The following FMN1 variants were observed in gnomAD, a reference collection of about 807,000 sequenced individuals.
The protein encoded by FMN1 is formin 1.
In FMN1, 110 loss-of-function variants were observed where a neutral mutation model predicts 132.4. That is an observed-to-expected ratio of 0.83 (90% CI 0.71 to 0.97). The LOEUF (loss-of-function observed/expected upper bound fraction) is 0.97, where lower values mean the gene tolerates loss of function less well. Among genes scored for constraint, FMN1 ranks in the 50% least tolerant of loss-of-function variants. FMN1 has a pLI of 0.00. For synonymous variants in FMN1, 722 were observed against 651.7 expected (o/e 1.11, Z -1.64); for missense variants, 1,792 against 1,705.3 (o/e 1.05, Z -0.90).
chr15:32,871,112 A>C (rs1408521421), intron 16 of FMN1, among the ~76,000 whole-genome samples: 1 of 152,152 alleles, frequency 6.6e-6, no homozygotes, highest in Non-Finnish European at 1.5e-5. Context: ...GGGCCTCTGA[A>C]GGGGAAGGGA....
intron 9 of FMN1, among the ~76,000 whole-genome samples, chr15:32,956,258 G>C (rs1264277086): frequency 2.0e-5 from 3 of 151,844 alleles, no homozygotes; most frequent in African/African-American, 7.3e-5. Flanking sequence ...AGTTACTGTT[G>C]AACAGCCAAC....
At chr15:33,187,700 C>T (rs1036254773) in intron 2 of FMN1, among the ~76,000 whole-genome samples, 2 of 152,162 alleles carry the variant, frequency 1.3e-5, no homozygotes, top group Non-Finnish European at 2.9e-5. Context: ...CAGAAGGTCC[C>T]TCTTCCCATG....
intron 9 of FMN1, among the ~76,000 whole-genome samples, chr15:32,941,906 C>A (rs1354773042): frequency 6.6e-6 from 1 of 152,140 alleles, no homozygotes; most frequent in Non-Finnish European, 1.5e-5. Context: ...TTTATCTCCG[C>A]CCTATCTAGA....
chr15:33,067,150 T>G, intron 5 of FMN1: 1 of 1,613,994 alleles, frequency 6.2e-7, no homozygotes, highest in Non-Finnish European at 8.5e-7. Context: ...GGTTTGTTAC[T>G]GCAGGTAGGT....
chr15:33,128,046 G>A (rs962960865), intron 4 of FMN1, among the ~76,000 whole-genome samples: 5 of 152,190 alleles, frequency 3.3e-5, no homozygotes, highest in East Asian at 3.9e-4. Context: ...CACGACACAG[G>A]TCAGGTGACA....
At chr15:32,991,193 G>T (rs343933) in intron 7 of FMN1, among the ~76,000 whole-genome samples, 1 of 151,946 alleles carries the variant, frequency 6.6e-6, no homozygotes, top group Non-Finnish European at 1.5e-5. Context: ...ATTTTCTCTC[G>T]GTTTCAGAAG....
At chr15:33,012,872 A>G in intron 6 of FMN1, 1 of 593,724 alleles carries the variant, frequency 1.7e-6, no homozygotes. Context: ...GATGGGAGCA[A>G]CACTGGAGGT....
At chr15:32,938,505 G>C (rs573667595) in intron 9 of FMN1, among the ~76,000 whole-genome samples, 72 of 152,058 alleles carry the variant, frequency 4.7e-4, no homozygotes, top group Non-Finnish European at 8.8e-4. Context: ...CGCCAGCCTG[G>C]GTGACAGAGC....
intron 6 of FMN1, among the ~76,000 whole-genome samples, chr15:33,020,562 G>T (rs2035362336): frequency 6.6e-6 from 1 of 151,404 alleles, no homozygotes; most frequent in African/African-American, 2.4e-5. Flanking sequence ...CAGGAGAACT[G>T]CTTGAACCCA....
chr15:33,032,423 T>C (rs1490475598), intron 6 of FMN1, among the ~76,000 whole-genome samples: 1 of 152,236 alleles, frequency 6.6e-6, no homozygotes, highest in Non-Finnish European at 1.5e-5. Context: ...AATCTTGTAA[T>C]ACTCCATAGT....
At chr15:33,070,957 G>A (rs2037974990) in intron 5 of FMN1, among the ~76,000 whole-genome samples, 1 of 152,182 alleles carries the variant, frequency 6.6e-6, no homozygotes, top group Non-Finnish European at 1.5e-5. Context: ...GAAGTATAAT[G>A]TGAATCCATG....
intron 7 of FMN1, among the ~76,000 whole-genome samples, chr15:33,000,641 A>G (rs1289273962): frequency 6.6e-6 from 1 of 152,048 alleles, no homozygotes; most frequent in Non-Finnish European, 1.5e-5. Flanking sequence ...AATAATAAAT[A>G]AAGGATGCAA....
At chr15:33,100,845 G>A (rs1032700783) in intron 4 of FMN1, among the ~76,000 whole-genome samples, 4 of 152,056 alleles carry the variant, frequency 2.6e-5, no homozygotes, top group African/African-American at 4.8e-5. Context: ...AAACACCATC[G>A]ATTGTGATAT....
At position 32,969,184 on chromosome 15, in the gene FMN1, G is replaced by C; in HGVS notation, c.2517C>G (p.Ser839Arg). 1.9e-6 allele frequency: 3 copies of C among 1,613,944 alleles called. No individual in the cohort carries two copies. The highest frequency in any genetic ancestry group is 1.6e-4 in the Middle Eastern group (1 of 6,062). The part of the protein sequence containing the change: ...VPKKLNISSL[S>R]QLSPPNDHKD... ...TGTGGTCATTTGGGGGTGAGAGCTGGCTTAAAGAGGAGATATTCAGCTTTT... is the reference window on the plus strand; with the variant it reads ...TGTGGTCATTTGGGGGTGAGAGCTGCCTTAAAGAGGAGATATTCAGCTTTT... The change falls in exon 8 of 21, where the codon AGC (serine) becomes AGG (arginine). Residue 839 changes from serine to arginine, a missense_variant. Around this residue, in one of 3 missense-constraint regions of FMN1, gnomAD observed 1,150 missense variants for 1,043.1 expected, o/e 1.10. Transcript: ENST00000616417.
chr15:33,171,025 A>G (rs1408171431), intron 3 of FMN1, among the ~76,000 whole-genome samples: 1 of 152,210 alleles, frequency 6.6e-6, no homozygotes. Flanking sequence ...TGGTATATAC[A>G]CAATGAAATA....
At chr15:33,172,221 G>T (rs201524741) in intron 3 of FMN1, among the ~76,000 whole-genome samples, 1 of 150,488 alleles carries the variant, frequency 6.6e-6, no homozygotes, top group Non-Finnish European at 1.5e-5. Flanking sequence ...AAAAAAAAAA[G>T]AAAAGAAAGA....
At chr15:33,119,164 C>A (rs142290255) in intron 4 of FMN1, among the ~76,000 whole-genome samples, 224 of 152,288 alleles carry the variant, frequency 1.5e-3, no homozygotes, top group African/African-American at 5.0e-3. Flanking sequence ...TTCTGATGAT[C>A]TAGTTAGATT....
chr15:33,026,568 T>C (rs2035687148), intron 6 of FMN1, among the ~76,000 whole-genome samples: 1 of 152,210 alleles, frequency 6.6e-6, no homozygotes, highest in Admixed American at 6.5e-5. Context: ...ATAATACATA[T>C]ATGATTTTAT....
intron 7 of FMN1, among the ~76,000 whole-genome samples, chr15:32,980,061 CAA>C (rs147543025): frequency 0.045 from 6,796 of 152,000 alleles, 213 homozygotes; most frequent in Middle Eastern, 0.11. Context: ...GGCAAACAAA[CAA>C]AGAGGGTTTG....
Sources: gnomAD v4.1 joint callset for allele counts (sites outside exome capture counted in the v4.1 genomes callset) on GRCh38, gnomAD v4.1.1 for gene constraint, gnomAD v4.1.1 regional missense constraint, MANE v1.5 for transcripts, NCBI Gene and HGNC (gene_info 2026-07-23, HGNC 2026-07-21) for gene names.